RAB21: variants seen among roughly 807,000 people sequenced by gnomAD.
The protein encoded by RAB21 is ras-related protein Rab-21.
A neutral mutation model predicts 33.1 loss-of-function variants in RAB21; 13 were observed. The ratio of observed to expected loss-of-function variants is 0.39; its 90% CI spans 0.26 to 0.62. The LOEUF is 0.62. Ranked by LOEUF, RAB21 falls within the 20% of genes least tolerant of loss-of-function variation. RAB21 has a pLI of 0.48. For synonymous variants in RAB21, 91 were observed against 103.7 expected, an observed-to-expected ratio of 0.88 and a Z score of 0.74; for missense variants, 234 against 279.1, an observed-to-expected ratio of 0.84 and a Z score of 1.15.
chr12:71,776,282 G>C (rs1207159417), intron 4 of RAB21, among the ~76,000 whole-genome samples: 1 of 152,042 alleles, frequency 6.6e-6, no homozygotes, highest in Non-Finnish European at 1.5e-5. Flanking sequence ...ACAAGCTCAT[G>C]AATAGTTTAA....
At chr12:71,784,286 GCAGTTTTAAGTTTCAGTGAGGTC>G (rs1883247534) in intron 6 of RAB21, among the ~76,000 whole-genome samples, 1 of 152,064 alleles carries the variant, frequency 6.6e-6, no homozygotes, top group Non-Finnish European at 1.5e-5. Flanking sequence ...CTCTTAAAGT[GCAGTTTTAAGTTTCAGTGAGGTC>G]CAGTTTATCT....
chr12:71,776,712 TA>T (rs879933987), intron 4 of RAB21, among the ~76,000 whole-genome samples: 600 of 140,534 alleles, frequency 4.3e-3, no homozygotes, highest in Non-Finnish European at 4.2e-3. Context: ...GTCTCCCGTT[TA>T]AAAAAAAAAA....
At chr12:71,762,278 C>T (rs1384152167) in intron 1 of RAB21, among the ~76,000 whole-genome samples, 8 of 148,166 alleles carry the variant, frequency 5.4e-5, no homozygotes, top group Non-Finnish European at 7.5e-5. Flanking sequence ...ATTCAAGCAC[C>T]TAGCTTAGGT....
At chr12:71,781,912 G>A (rs1435750721) in intron 4 of RAB21, 119 bp from the exon 5 acceptor site, 4 of 699,654 alleles carry the variant, frequency 5.7e-6, no homozygotes, top group Non-Finnish European at 9.7e-6. Flanking sequence ...TAGAAGTCTG[G>A]TGGGGATTTG....
intron 2 of RAB21, 60 bp from the exon 3 acceptor site, chr12:71,770,532 G>A (rs771954251): frequency 2.6e-4 from 295 of 1,141,434 alleles, no homozygotes; most frequent in Non-Finnish European, 3.6e-4. Flanking sequence ...GTTCACCATA[G>A]TTGCAATCGC....
At chr12:71,784,709 T>C (rs1260067276) in intron 6 of RAB21, among the ~76,000 whole-genome samples, 1 of 152,198 alleles carries the variant, frequency 6.6e-6, no homozygotes, top group Non-Finnish European at 1.5e-5. Context: ...TTGATTAGTG[T>C]AGCTTTATAC....
chr12:71,758,630 G>A lies in RAB21; in HGVS notation c.159+3342G>A, dbSNP rs141216048. On this transcript the variant is annotated intron_variant, in intron 1 of 6. Transcript: ENST00000261263. ...CAAGTAGCTGGGACCACAGGCGTGC[G>A]CCACCATGCTCGGCTAATTTTTTTT... Among the ~76,000 whole-genome samples, 99 of 143,540 alleles carry A rather than the reference G, an allele frequency of 6.9e-4. 1 individual carries two copies. The East Asian group carries it at 0.012, about 18-fold the overall frequency. The allele number at this position is 143,540 out of a possible 152,430, so 94.2% of individuals were successfully genotyped here.
In RAB21 at chr12:71,769,183, G is replaced by A. The variant is rs540207564; in HGVS notation, c.160-617G>A. Among the ~76,000 whole-genome samples the A allele has an allele frequency of 9.9e-5, 15 of 152,234 alleles. No homozygotes were observed. In the East Asian group the frequency reaches 2.7e-3, roughly 27 times the overall value. On this transcript the variant is annotated intron_variant, in intron 1 of 6. Coordinates refer to ENST00000261263, the MANE Select transcript of RAB21 (RefSeq NM_014999.4). ...CCTTCTTTGACTCATTCAGACAACT[G>A]TTATACTTCCTTTCTCAGTACTATC...
intron 6 of RAB21, among the ~76,000 whole-genome samples, chr12:71,784,363 CTT>C (rs1341865365): frequency 6.6e-6 from 1 of 152,112 alleles, no homozygotes; most frequent in African/African-American, 2.4e-5. Flanking sequence ...CATGAGAACT[CTT>C]TGTGTAAGCC....
chr12:71,775,980 G>T (rs997089101), intron 4 of RAB21, among the ~76,000 whole-genome samples: 2 of 152,154 alleles, frequency 1.3e-5, no homozygotes, highest in African/African-American at 4.8e-5. Flanking sequence ...TAGATGTTAG[G>T]CTAGGCAGGA....
At chr12:71,765,392 A>G (rs754229659) in intron 1 of RAB21, among the ~76,000 whole-genome samples, 45 of 150,536 alleles carry the variant, frequency 3.0e-4, no homozygotes, top group Non-Finnish European at 5.9e-4. Flanking sequence ...ATTTTCTTCC[A>G]CTCTGGGTTG....
intron 1 of RAB21, among the ~76,000 whole-genome samples, chr12:71,759,275 G>A (rs1882835192): frequency 1.3e-5 from 2 of 152,222 alleles, no homozygotes; most frequent in South Asian, 4.1e-4. Context: ...AGAATAAGGT[G>A]TGGAATCTAC....
chr12:71,768,821 A>G (rs1882998599), intron 1 of RAB21, among the ~76,000 whole-genome samples: 1 of 152,214 alleles, frequency 6.6e-6, no homozygotes, highest in Non-Finnish European at 1.5e-5. Context: ...AGTTTGGGAA[A>G]TGCTTGTATA....
At chr12:71,781,610 T>C (rs1158086268) in intron 4 of RAB21, among the ~76,000 whole-genome samples, 1 of 152,226 alleles carries the variant, frequency 6.6e-6, no homozygotes, top group African/African-American at 2.4e-5. Context: ...TAGATTAATA[T>C]ATTTTAGTAA....
intron 1 of RAB21, among the ~76,000 whole-genome samples, chr12:71,758,706 T>C (rs769057360): frequency 2.6e-5 from 4 of 152,108 alleles, no homozygotes; most frequent in South Asian, 2.1e-4. Flanking sequence ...TGTAGAACTC[T>C]GAGCTCAAGC....
intron 4 of RAB21, among the ~76,000 whole-genome samples, chr12:71,774,718 T>C (rs989608350): frequency 5.3e-5 from 8 of 150,712 alleles, no homozygotes; most frequent in African/African-American, 1.5e-4. Flanking sequence ...GATCACGCCA[T>C]TGCACTCCAG....
rs1024987521 is a variant in RAB21 at position 71,790,382 on chromosome 12, C to T, written c.*4709C>T. The T allele has an allele frequency of 5.9e-5, 9 of 152,178 alleles. No homozygotes were observed. The highest frequency in any genetic ancestry group is 2.2e-4 in the African/African-American group (9 of 41,520). The allele number at this position is 152,178 out of a possible 1,614,324, so 9.4% of individuals were successfully genotyped here. A position where few individuals can be genotyped will look rare whatever the true frequency, so the allele number is the denominator to read the frequency against. On this transcript the variant is annotated 3_prime_UTR_variant, in exon 7 of 7. Transcript: ENST00000261263. ...CTAAGGTGATTTCTTTACATTTGAA[C>T]ATGTGTAGATCAATGAGAGAATGGT...
intron 3 of RAB21, among the ~76,000 whole-genome samples, chr12:71,773,029 A>G (rs1883066831): frequency 6.6e-6 from 1 of 152,184 alleles, no homozygotes; most frequent in Admixed American, 6.5e-5. Context: ...ATATATGTGT[A>G]TTTTTTCAGG....
rs1399761535 is a variant in RAB21, at chr12:71,787,680, A to G, written c.*2007A>G. 6.6e-6 allele frequency: 1 copy of G among 152,148 alleles called. No individual in the cohort carries two copies. Among genetic ancestry groups the G allele is most frequent in the African/African-American group, 2.4e-5 (1 of 41,434 alleles). 9.4% of individuals were successfully genotyped at this position (152,148 alleles called of 1,614,324 possible). A position where few individuals can be genotyped will look rare whatever the true frequency, so the allele number is the denominator to read the frequency against. On this transcript the variant is annotated 3_prime_UTR_variant, in exon 7 of 7. Transcript: ENST00000261263. ...GTGAGCCTTCACTTTACCTTCTTTA[A>G]TTATTGTCCTTGCTAAACTCAACAC... is the stretch of plus-strand genomic sequence containing the variant.
Sources: gnomAD v4.1 joint callset for allele counts (sites outside exome capture counted in the v4.1 genomes callset) on GRCh38, gnomAD v4.1.1 for gene constraint, MANE v1.5 for transcripts, NCBI Gene and HGNC (gene_info 2026-07-23, HGNC 2026-07-21) for gene names.